Variants in RECQL5 observed in about 807,000 individuals in gnomAD.
RECQL5 encodes the protein ATP-dependent DNA helicase Q5.
A neutral mutation model predicts 103.4 loss-of-function variants in RECQL5; 88 were observed. The observed-to-expected ratio is 0.85, with a 90% CI of 0.72 to 1.02. The LOEUF (loss-of-function observed/expected upper bound fraction) is 1.02. Among genes scored for constraint, RECQL5 ranks in the 50% least tolerant of loss-of-function variants. The pLI, the probability that RECQL5 is intolerant of heterozygous loss-of-function variation, is 0.00. For synonymous variants in RECQL5, 552 were observed against 507.9 expected (o/e 1.09, Z -1.17); for missense variants, 1,232 against 1,284.3 (o/e 0.96, Z 0.62).
intron 8 of RECQL5, chr17:75,634,354 CCTG>C (rs1305628993): frequency 7.3e-6 from 4 of 546,102 alleles, no homozygotes; most frequent in Non-Finnish European, 9.3e-6. Context: ...CAGCCAGCCT[CCTG>C]CACACACCTG....
At chr17:75,661,142 A>C in intron 5 of RECQL5, 76 bp from the exon 6 acceptor site, 1 of 1,104,784 alleles carries the variant, frequency 9.1e-7, no homozygotes, top group Non-Finnish European at 1.4e-6. Flanking sequence ...TGGGTTTGAC[A>C]CTGTGTGCTA....
At chr17:75,633,014 A>G (rs1166185008) in intron 8 of RECQL5, among the ~76,000 whole-genome samples, 4 of 152,272 alleles carry the variant, frequency 2.6e-5, no homozygotes, top group Non-Finnish European at 4.4e-5. Context: ...GTAAGGAAGC[A>G]GGGCCTGGCT....
At chr17:75,661,744 C>T (rs201626675) in intron 4 of RECQL5, 36 bp from the exon 5 acceptor site, 135 of 1,509,880 alleles carry the variant, frequency 8.9e-5, no homozygotes, top group Non-Finnish European at 1.2e-4. Context: ...ATAAGCATAG[C>T]AAGAACAGAA....
chr17:75,664,653 C>A lies in RECQL5; in HGVS notation c.252+398G>T, dbSNP rs565974139. 1.6e-4 allele frequency among the ~76,000 whole-genome samples: 24 copies of A among 152,194 alleles called. No individual in the cohort carries two copies. The East Asian group carries it at 4.6e-3, about 29-fold the overall frequency. Reference sequence around the variant, plus strand: ...CAGGGGCGGGTGTGGTGGCTCACACCTGTAATCCCAGCACTTTGGGAGGCC... The same window carrying A: ...CAGGGGCGGGTGTGGTGGCTCACACATGTAATCCCAGCACTTTGGGAGGCC... On this transcript the variant is annotated intron_variant, in intron 3 of 19. Transcript: ENST00000317905.
chr17:75,641,752 G>A (rs924920967), intron 8 of RECQL5, among the ~76,000 whole-genome samples: 2 of 152,226 alleles, frequency 1.3e-5, no homozygotes, highest in African/African-American at 4.8e-5. Flanking sequence ...AGCAGACTCA[G>A]ACCAGTGGGT....
intron 6 of RECQL5, 57 bp downstream of exon 6, chr17:75,660,898 G>T (rs2059690194): frequency 3.1e-6 from 4 of 1,295,550 alleles, no homozygotes; most frequent in African/African-American, 2.9e-5. Context: ...ACAGCACTAG[G>T]CAATCCACCC....
chr17:75,651,373 G>A, intron 7 of RECQL5, 108 bp from the exon 8 acceptor site: 1 of 1,287,592 alleles, frequency 7.8e-7, no homozygotes, highest in Non-Finnish European at 1.1e-6. Flanking sequence ...TGTAATCCCA[G>A]CACTTTGGGA....
intron 8 of RECQL5, among the ~76,000 whole-genome samples, chr17:75,644,862 G>A (rs1438473037): frequency 2.6e-5 from 4 of 151,448 alleles, no homozygotes; most frequent in African/African-American, 4.8e-5. Context: ...AATTGGGGCC[G>A]GCAGTTAATT....
chr17:75,627,299 A>C lies in RECQL5; in HGVS notation c.*123T>G. 1 of 808,432 alleles carries C rather than the reference A, an allele frequency of 1.2e-6. No homozygotes were observed. The allele number at this position is 808,432 out of a possible 1,614,324, so 50.1% of individuals were successfully genotyped here. ...GGTGTCTGGGGTCATCCCCAAAGCC[A>C]AGTATGGTTGGAAAGGAGAAGGACT... On this transcript the variant is annotated 3_prime_UTR_variant, in exon 20 of 20. Coordinates refer to ENST00000317905, the MANE Select transcript of RECQL5 (RefSeq NM_004259.7).
intron 17 of RECQL5, 77 bp downstream of exon 17, chr17:75,628,595 C>T: frequency 6.6e-7 from 1 of 1,515,876 alleles, no homozygotes; most frequent in South Asian, 1.3e-5. Flanking sequence ...TCCCTGACCC[C>T]TTGAGCAGGG....
intron 15 of RECQL5, 58 bp downstream of exon 15, chr17:75,629,650 G>C: frequency 6.4e-7 from 1 of 1,554,336 alleles, no homozygotes; most frequent in Non-Finnish European, 8.7e-7. Flanking sequence ...CCTGAGGGCA[G>C]AGGGGAAGTG....
chr17:75,639,893 G>A (rs944154310), intron 8 of RECQL5: 21 of 305,402 alleles, frequency 6.9e-5, no homozygotes, highest in Admixed American at 9.5e-5. Context: ...ATGGAACAGC[G>A]AAGCCAGAAA....
At chr17:75,651,380 G>T in intron 7 of RECQL5, 115 bp from the exon 8 acceptor site, 2 of 1,182,764 alleles carry the variant, frequency 1.7e-6, no homozygotes, top group Non-Finnish European at 2.5e-6. Flanking sequence ...CCAGCACTTT[G>T]GGAGGCTGAG....
chr17:75,627,777 T>C (rs1330151304), intron 18 of RECQL5, 85 bp from the exon 19 acceptor site: 5 of 1,261,154 alleles, frequency 4.0e-6, no homozygotes, highest in Non-Finnish European at 4.5e-6. Context: ...CCCAGCACTT[T>C]GGGAGGCCGA....
chr17:75,642,849 G>T (rs1270850211), intron 8 of RECQL5, among the ~76,000 whole-genome samples: 7 of 152,238 alleles, frequency 4.6e-5, no homozygotes, highest in Non-Finnish European at 7.3e-5. Flanking sequence ...CAGCTGAAAA[G>T]GAGCAGGGCC....
chr17:75,650,360 A>T, intron 8 of RECQL5: 11 of 1,149,676 alleles, frequency 9.6e-6, no homozygotes, highest in Non-Finnish European at 1.2e-5. Flanking sequence ...CAGCCCAAAG[A>T]GTTTCTCTGA....
chr17:75,656,335 C>A (rs574828793), intron 7 of RECQL5, among the ~76,000 whole-genome samples: 1 of 152,298 alleles, frequency 6.6e-6, no homozygotes, highest in Admixed American at 6.5e-5. Flanking sequence ...GCCTCAGCCT[C>A]CCAAAGTGCT....
intron 7 of RECQL5, among the ~76,000 whole-genome samples, chr17:75,656,325 G>A (rs1003388058): frequency 3.3e-5 from 5 of 151,846 alleles, no homozygotes; most frequent in African/African-American, 4.8e-5. Context: ...TGATCTGCCC[G>A]CCTCAGCCTC....
rs1333505550 is a variant in RECQL5, at chr17:75,636,075, G to C, written c.1230-4407C>G. ...CTACTGCAGCCAGGGCACACCCTCT[G>C]AAGGCTCCAAGCAGGGCTGGCTGGG... On this transcript the variant is annotated intron_variant, in intron 8 of 19. Transcript: ENST00000317905. The surrounding 1 kb of genome is among the most constrained non-coding windows in gnomAD (Gnocchi z 5.4). Among the ~76,000 whole-genome samples, 1 of 152,248 alleles carries C rather than the reference G, an allele frequency of 6.6e-6. No individual in the cohort carries two copies. The highest frequency in any genetic ancestry group is 1.5e-5 in the Non-Finnish European group (1 of 68,046).
Sources: allele counts gnomAD v4.1 joint callset (sites outside exome capture counted in the v4.1 genomes callset), GRCh38; gene constraint gnomAD v4.1.1; non-coding constraint Gnocchi (gnomAD v3.1); transcripts MANE v1.5; gene names NCBI Gene and HGNC (gene_info 2026-07-23, HGNC 2026-07-21).